Variants in CNTNAP4 observed in about 807,000 individuals in gnomAD.
The protein encoded by CNTNAP4 is contactin-associated protein-like 4.
CNTNAP4 carries 98 observed loss-of-function variants against 148.4 expected under a neutral mutation model. The ratio of observed to expected loss-of-function variants is 0.66; its 90% CI spans 0.56 to 0.78. The LOEUF (loss-of-function observed/expected upper bound fraction) is 0.78, where lower values mean the gene tolerates loss of function less well. Ranked by LOEUF, CNTNAP4 falls within the 30% of genes least tolerant of loss-of-function variation. CNTNAP4 has a pLI of 0.00. For missense variants in CNTNAP4, 1,935 were observed against 1,565.6 expected (o/e 1.24, Z -3.98); for synonymous variants, 730 against 565.1 (o/e 1.29, Z -4.14).
At chr16:76,364,592 C>T (rs903905977) in intron 3 of CNTNAP4, among the ~76,000 whole-genome samples, 2 of 152,148 alleles carry the variant, frequency 1.3e-5, no homozygotes, top group East Asian at 1.9e-4. Flanking sequence ...GATACTGTGT[C>T]TTAGACATCT....
chr16:76,541,344 G>A (rs2084446033), intron 21 of CNTNAP4, among the ~76,000 whole-genome samples: 1 of 152,120 alleles, frequency 6.6e-6, no homozygotes, highest in Non-Finnish European at 1.5e-5. Flanking sequence ...TTTAATTACA[G>A]CACTGGAGTA....
Position 76,448,969 on chromosome 16 carries a change from C to T in CNTNAP4, c.927+18C>T, listed in dbSNP as rs769681659. On this transcript the variant is annotated intron_variant, in intron 6 of 23. Coordinates refer to ENST00000611870, the MANE Select transcript of CNTNAP4 (RefSeq NM_033401.5). ...ATTATGAGGTGTGATGGTTATGTTT[C>T]AATTAATGCTGATTTTATTATGTAT... The T allele has an allele frequency of 6.2e-7, 1 of 1,603,286 alleles. No individual in the cohort carries two copies. The highest frequency in any genetic ancestry group is 8.5e-7 in the Non-Finnish European group (1 of 1,172,172).
At chr16:76,473,267 C>T (rs1179571448) in intron 10 of CNTNAP4, among the ~76,000 whole-genome samples, 1 of 151,980 alleles carries the variant, frequency 6.6e-6, no homozygotes, top group Non-Finnish European at 1.5e-5. Flanking sequence ...AGTAGCATTT[C>T]TTTATGATTA....
At chr16:76,498,534 C>T (rs750629157) in intron 14 of CNTNAP4, 33 bp from the exon 15 acceptor site, 5 of 1,591,180 alleles carry the variant, frequency 3.1e-6, no homozygotes, top group African/African-American at 1.4e-5. Flanking sequence ...ATTAAAAGTT[C>T]TTAAGAATTT....
chr16:76,489,988 G>A, intron 13 of CNTNAP4, 105 bp downstream of exon 13: 1 of 593,328 alleles, frequency 1.7e-6, no homozygotes, highest in South Asian at 4.1e-5. Context: ...TCTAGCCACT[G>A]AGGGTATATG....
rs147507979 is a variant in CNTNAP4, at chr16:76,467,078, A to G, written c.1484-274A>G. ...CTGGCATGTTTAGGATTCTGGAGCC[A>G]ATGTTTATATTTTTCAAATCTAGAT... On this transcript the variant is annotated intron_variant, in intron 9 of 23. Transcript: ENST00000611870. Among the ~76,000 whole-genome samples, 166 of 152,288 alleles carry G rather than the reference A, an allele frequency of 1.1e-3. 2 individuals carry two copies. The East Asian group carries it at 0.028, about 25-fold the overall frequency.
chr16:76,324,250 A>G (rs1962735287), intron 2 of CNTNAP4, among the ~76,000 whole-genome samples: 1 of 152,234 alleles, frequency 6.6e-6, no homozygotes, highest in Non-Finnish European at 1.5e-5. Context: ...AGTGGCTCAA[A>G]TTTGGTCAAT....
At chr16:76,538,078 A>G in intron 18 of CNTNAP4, 38 bp from the exon 19 acceptor site, 3 of 968,742 alleles carry the variant, frequency 3.1e-6, no homozygotes, top group Non-Finnish European at 4.2e-6. Context: ...CCTTGTACTT[A>G]AAATTTTTAA....
chr16:76,513,790 C>G (rs1415896152), intron 15 of CNTNAP4, among the ~76,000 whole-genome samples: 1 of 152,044 alleles, frequency 6.6e-6, no homozygotes, highest in Admixed American at 6.6e-5. Flanking sequence ...TTTTAAAAGA[C>G]AGTAATCTGA....
chr16:76,478,230 C>A (rs1225115673), intron 11 of CNTNAP4, among the ~76,000 whole-genome samples: 2 of 152,168 alleles, frequency 1.3e-5, no homozygotes, highest in African/African-American at 4.8e-5. Flanking sequence ...CCAGTCCCAC[C>A]ACAAAGTTAT....
intron 3 of CNTNAP4, among the ~76,000 whole-genome samples, chr16:76,376,650 G>A (rs1219526984): frequency 6.6e-6 from 1 of 152,190 alleles, no homozygotes; most frequent in Non-Finnish European, 1.5e-5. Context: ...ACTGTGATAT[G>A]GCCTTCTGCA....
chr16:76,452,855 TG>T, intron 8 of CNTNAP4, 86 bp downstream of exon 8: 1 of 1,202,734 alleles, frequency 8.3e-7, no homozygotes, highest in East Asian at 2.6e-5. Context: ...TAACCAAAAA[TG>T]TAATATTTGC....
chr16:76,438,781 G>A (rs1381518127), intron 4 of CNTNAP4, among the ~76,000 whole-genome samples: 1 of 151,886 alleles, frequency 6.6e-6, no homozygotes, highest in Non-Finnish European at 1.5e-5. Context: ...GACACATAGG[G>A]TTACCTACTC....
intron 4 of CNTNAP4, among the ~76,000 whole-genome samples, chr16:76,439,003 T>G (rs2079938512): frequency 6.6e-6 from 1 of 152,178 alleles, no homozygotes; most frequent in African/African-American, 2.4e-5. Flanking sequence ...AATAGACCAA[T>G]TGTAATTGTA....
At chr16:76,438,282 G>A (rs187301117) in intron 4 of CNTNAP4, among the ~76,000 whole-genome samples, 3 of 152,186 alleles carry the variant, frequency 2.0e-5, no homozygotes, top group East Asian at 3.9e-4. Context: ...GAAATGCCAA[G>A]CAGCCCTAGA....
At chr16:76,289,072 A>T (rs200299158) in intron 1 of CNTNAP4, among the ~76,000 whole-genome samples, 26,138 of 151,478 alleles carry the variant, frequency 0.17, 4,434 homozygotes, top group East Asian at 0.45. Context: ...TCACCTTTTA[A>T]AAAAAAAATT....
chr16:76,454,634 G>A (rs987030229), intron 8 of CNTNAP4, among the ~76,000 whole-genome samples: 1 of 152,034 alleles, frequency 6.6e-6, no homozygotes, highest in East Asian at 1.9e-4. Flanking sequence ...TTCCCGTGAA[G>A]CAAGTACATT....
At chr16:76,519,309 C>A (rs543487647) in intron 15 of CNTNAP4, among the ~76,000 whole-genome samples, 1 of 152,204 alleles carries the variant, frequency 6.6e-6, no homozygotes, top group African/African-American at 2.4e-5. Context: ...TAAAGACATT[C>A]ATGTACAGAT....
chr16:76,432,796 C>G (rs746528008), intron 4 of CNTNAP4, among the ~76,000 whole-genome samples: 3 of 152,072 alleles, frequency 2.0e-5, no homozygotes, highest in Non-Finnish European at 4.4e-5. Flanking sequence ...CCTCATTTTG[C>G]AGCCTATGAT....
Sources: allele counts gnomAD v4.1 joint callset (sites outside exome capture counted in the v4.1 genomes callset), GRCh38; gene constraint gnomAD v4.1.1; transcripts MANE v1.5; gene names NCBI Gene and HGNC (gene_info 2026-07-23, HGNC 2026-07-21).